CRYBG1: variants seen among roughly 807,000 people sequenced by gnomAD.
The protein encoded by CRYBG1 is crystallin beta-gamma domain containing 1.
In CRYBG1, 139 loss-of-function variants were observed where a neutral mutation model predicts 189.2. The observed-to-expected ratio is 0.73, with a 90% CI of 0.64 to 0.85. CRYBG1 has a LOEUF of 0.85. CRYBG1 is among the 40% of genes least tolerant of loss of function. CRYBG1 has a pLI of 0.00. For missense variants in CRYBG1, 2,611 were observed against 2,675.8 expected (o/e 0.98, Z 0.53); for synonymous variants, 1,023 against 1,017.1 (o/e 1.01, Z -0.11).
chr6:106,486,680 T>G (rs1221792280), intron 2 of CRYBG1, among the ~76,000 whole-genome samples: 1 of 152,184 alleles, frequency 6.6e-6, no homozygotes, highest in Non-Finnish European at 1.5e-5. Context: ...TATAATGATC[T>G]TTCCCTCCTT....
rs1562285129 is a variant in CRYBG1, at chr6:106,360,885, T to C, written c.-24T>C. The C allele has an allele frequency of 6.6e-7, 1 of 1,512,908 alleles. No homozygotes were observed. Among genetic ancestry groups the C allele is most frequent in the African/African-American group, 1.4e-5 (1 of 71,570 alleles). 93.7% of individuals were successfully genotyped at this position (1,512,908 alleles called of 1,614,324 possible). A position where few individuals can be genotyped will look rare whatever the true frequency, so the allele number is the denominator to read the frequency against. On this transcript the variant is annotated 5_prime_UTR_variant, in exon 1 of 22. Transcript: ENST00000633556. ...GGCAGAGAGGACCGCGTCCCGGCAG[T>C]CGGAGCGGGAGGAGGACAAGACGAT...
chr6:106,468,671 T>G (rs6941959), intron 2 of CRYBG1, among the ~76,000 whole-genome samples: 82,795 of 151,932 alleles, frequency 0.54, 22,676 homozygotes, highest in Middle Eastern at 0.66. Context: ...GCCTGGGTGA[T>G]AGAGTGAGAC....
intron 1 of CRYBG1, among the ~76,000 whole-genome samples, chr6:106,444,866 G>A (rs889833076): frequency 2.6e-5 from 4 of 152,274 alleles, no homozygotes; most frequent in African/African-American, 9.6e-5. Flanking sequence ...AGACTTGGTG[G>A]CTCACACCTG....
intron 18 of CRYBG1, among the ~76,000 whole-genome samples, chr6:106,560,272 G>A (rs999402512): frequency 9.2e-5 from 14 of 152,176 alleles, no homozygotes; most frequent in Non-Finnish European, 1.6e-4. Flanking sequence ...AGAGGAGGGC[G>A]CTGGGCTGCT....
In CRYBG1 at chr6:106,508,933, A is replaced by C. The variant is rs59388375; in HGVS notation, c.313-2497A>C. ...TCTAATAGCCAAAAAAAAAAAAAAAAAAATTGTTTTAATGCCTATACTAAG... is the reference window on the plus strand; with the variant it reads ...TCTAATAGCCAAAAAAAAAAAAAAACAAATTGTTTTAATGCCTATACTAAG... On this transcript the variant is annotated intron_variant, in intron 2 of 21. Transcript: ENST00000633556. Among the ~76,000 whole-genome samples the C allele has an allele frequency of 2.3e-3, 254 of 110,488 alleles. 1 individual carries two copies. Among genetic ancestry groups the C allele is most frequent in the African/African-American group, 7.4e-3 (249 of 33,470 alleles). The allele number at this position is 110,488 out of a possible 152,430, so 72.5% of individuals were successfully genotyped here.
chr6:106,510,915 G>T (rs1773244040), intron 2 of CRYBG1, among the ~76,000 whole-genome samples: 1 of 152,198 alleles, frequency 6.6e-6, no homozygotes, highest in African/African-American at 2.4e-5. Flanking sequence ...TTGAACCCAG[G>T]TGGCTTCTTA....
At position 106,560,902 on chromosome 6, in the gene CRYBG1, A is replaced by G; in HGVS notation, c.5955A>G (p.Ile1985Met). ...NWYEFSGCRQ[I>M]GSLRPFVQKR... ...ATGAATTCAGTGGCTGTCGCCAAAT[A>G]GGTTCTCTACGACCTTTTGTTCAGG... The change falls in exon 19 of 22, where the codon ATA becomes ATG. Residue 1985 changes from isoleucine to methionine, a missense_variant. This residue lies in a region of CRYBG1 where 1,622 missense variants were observed against 1,735.0 expected (regional missense o/e 0.93). Coordinates refer to ENST00000633556, the MANE Select transcript of CRYBG1 (RefSeq NM_001371242.2). The G allele has an allele frequency of 6.2e-7, 1 of 1,612,406 alleles. No individual in the cohort carries two copies.
chr6:106,368,884 A>G (rs998869445), intron 1 of CRYBG1, among the ~76,000 whole-genome samples: 7 of 152,172 alleles, frequency 4.6e-5, no homozygotes, highest in African/African-American at 9.7e-5. Flanking sequence ...ATAAACAACC[A>G]TAACTTAATT....
chr6:106,364,871 A>G lies in CRYBG1; in HGVS notation c.173+3790A>G, dbSNP rs570633269. Among the ~76,000 whole-genome samples, 3 of 152,350 alleles carry G rather than the reference A, an allele frequency of 2.0e-5. No individual in the cohort carries two copies. In the South Asian group the frequency reaches 6.2e-4, roughly 32 times the overall value. Reference sequence around the variant, plus strand: ...TTTTTGTGCCACAATTTTCTCATTCACAAAATGGGAATCATAAGAGTTGTT... The same window carrying G: ...TTTTTGTGCCACAATTTTCTCATTCGCAAAATGGGAATCATAAGAGTTGTT... On this transcript the variant is annotated intron_variant, in intron 1 of 21. Transcript: ENST00000633556.
intron 4 of CRYBG1, among the ~76,000 whole-genome samples, chr6:106,522,376 G>A (rs1024858614): frequency 3.3e-5 from 5 of 152,128 alleles, no homozygotes; most frequent in Non-Finnish European, 7.4e-5. Flanking sequence ...AAAGCTGTGG[G>A]GAATAAAGAA....
At chr6:106,521,557 G>A in intron 4 of CRYBG1, 104 bp downstream of exon 4, 1 of 1,279,636 alleles carries the variant, frequency 7.8e-7, no homozygotes, top group Non-Finnish European at 1.1e-6. Flanking sequence ...TTAAGCTTAT[G>A]TGCTATAGTT....
intron 1 of CRYBG1, among the ~76,000 whole-genome samples, chr6:106,443,355 C>G (rs1179843049): frequency 6.6e-6 from 1 of 152,142 alleles, no homozygotes; most frequent in Non-Finnish European, 1.5e-5. Context: ...AAAATTGATT[C>G]ATGATCAAGT....
chr6:106,405,960 C>T (rs116026066), intron 1 of CRYBG1, among the ~76,000 whole-genome samples: 16 of 152,164 alleles, frequency 1.1e-4, no homozygotes, highest in Non-Finnish European at 2.4e-4. Flanking sequence ...AAAACCAGGA[C>T]AGCTCTTCTC....
At chr6:106,518,983 A>ACACACACACG in intron 3 of CRYBG1, 148 bp from the exon 4 acceptor site, 1 of 437,752 alleles carries the variant, frequency 2.3e-6, no homozygotes. Context: ...GCGCACACAC[A>ACACACACACG]CACACACATA....
chr6:106,482,568 G>T (rs1162434516), intron 2 of CRYBG1, among the ~76,000 whole-genome samples: 2 of 152,160 alleles, frequency 1.3e-5, no homozygotes, highest in Admixed American at 6.5e-5. Flanking sequence ...AAGGTCAGGA[G>T]ATCGAGACCA....
At chr6:106,410,422 G>A (rs1343935878) in intron 1 of CRYBG1, among the ~76,000 whole-genome samples, 1 of 152,220 alleles carries the variant, frequency 6.6e-6, no homozygotes, top group Non-Finnish European at 1.5e-5. Context: ...TTACACAGTT[G>A]GTGGGAGTGT....
At chr6:106,465,163 C>T (rs1772086838) in intron 2 of CRYBG1, among the ~76,000 whole-genome samples, 1 of 152,128 alleles carries the variant, frequency 6.6e-6, no homozygotes, top group South Asian at 2.1e-4. Flanking sequence ...TATTATTATT[C>T]GGAAATTACA....
At position 106,555,898 on chromosome 6, in the gene CRYBG1, G is replaced by C. The variant is rs145609128; in HGVS notation, c.5715+1G>C. On this transcript the variant is annotated splice_donor_variant, in intron 17 of 21. Transcript: ENST00000633556. LOFTEE classifies it high-confidence loss of function. The stretch of plus-strand genomic sequence containing the variant: ...CAAGTCTCTTCGTTTTATAGATGTT[G>C]TAAGTATGTCATTGTGAATAGTGTT... The C allele has an allele frequency of 1.9e-6, 3 of 1,614,168 alleles. No individual in the cohort carries two copies. Among genetic ancestry groups the C allele is most frequent in the South Asian group, 1.1e-5 (1 of 91,084 alleles).
At chr6:106,530,031 AGG>A (rs1182142632) in intron 7 of CRYBG1, 143 bp from the exon 8 acceptor site, 120 of 659,476 alleles carry the variant, frequency 1.8e-4, no homozygotes. Context: ...AAAACAGGAA[AGG>A]GCTAAAATGG....
Sources: gnomAD v4.1 joint callset for allele counts (sites outside exome capture counted in the v4.1 genomes callset) on GRCh38, gnomAD v4.1.1 for gene constraint, gnomAD v4.1.1 regional missense constraint, MANE v1.5 for transcripts, NCBI Gene and HGNC (gene_info 2026-07-23, HGNC 2026-07-21) for gene names.